The following NEMP2 variants were observed in gnomAD, a reference collection of about 807,000 sequenced individuals.
NEMP2 encodes UPF0571 transmembrane protein.
A neutral mutation model predicts 54.2 loss-of-function variants in NEMP2; 53 were observed. The observed-to-expected ratio is 0.98, with a 90% CI of 0.78 to 1.23. The LOEUF (loss-of-function observed/expected upper bound fraction) is 1.23, where lower values mean the gene tolerates loss of function less well. Among genes scored for constraint, NEMP2 ranks in the 50% most tolerant of loss-of-function variants. The pLI is 0.00. For missense variants in NEMP2, 455 were observed against 511.3 expected (o/e 0.89, Z 1.06); for synonymous variants, 197 against 190.3 (o/e 1.04, Z -0.29).
At position 190,521,689 on chromosome 2, in the gene NEMP2, GA is replaced by G. The variant is rs1690755362; in HGVS notation, c.214-2507del. Among the ~76,000 whole-genome samples, 1 of 152,134 alleles carries G rather than the reference GA, an allele frequency of 6.6e-6. No homozygotes were observed. The highest frequency in any genetic ancestry group is 2.1e-4 in the South Asian group (1 of 4,824). On this transcript the variant is annotated intron_variant, in intron 2 of 8. Coordinates refer to ENST00000409150, the MANE Select transcript of NEMP2 (RefSeq NM_001142645.2). The surrounding 1 kb of genome is among the most constrained non-coding windows in gnomAD (Gnocchi z 6.2). ...GATTTCATTCCTAAAAGGCCACCCTGACAAGGTCACTGGTGCTTCCATGTTG... is the reference window on the plus strand; with the variant it reads ...GATTTCATTCCTAAAAGGCCACCCTGCAAGGTCACTGGTGCTTCCATGTTG...
the NEMP2 span, among the ~76,000 whole-genome samples, chr2:190,564,640 G>C: frequency 6.6e-6 from 1 of 152,090 alleles, no homozygotes; most frequent in Non-Finnish European, 1.5e-5. The surrounding 1 kb of genome is among the most constrained non-coding windows in gnomAD (Gnocchi z 4.2). Flanking sequence ...AGCTTCTCAC[G>C]TAAAAATCTC....
the NEMP2 span, among the ~76,000 whole-genome samples, chr2:190,422,933 G>A: frequency 2.0e-5 from 3 of 150,770 alleles, no homozygotes; most frequent in Non-Finnish European, 4.4e-5. Context: ...GAATACTGTA[G>A]TTCAGTGAGT....
chr2:190,581,444 C>A, the NEMP2 span, among the ~76,000 whole-genome samples: 2 of 152,058 alleles, frequency 1.3e-5, no homozygotes, highest in African/African-American at 4.8e-5. Flanking sequence ...ATGATCAAAC[C>A]ATGTTTGCTG....
At chr2:190,463,803 G>C in the NEMP2 span, 2 of 884,226 alleles carry the variant, frequency 2.3e-6, no homozygotes, top group African/African-American at 1.8e-5. This position sits in a 1 kb window ranked among gnomAD's most constrained non-coding sequence, Gnocchi z 4.4. Flanking sequence ...CTGGGTAACA[G>C]AGCAAGACCC....
chr2:190,621,598 T>C, the NEMP2 span, among the ~76,000 whole-genome samples: 1 of 141,710 alleles, frequency 7.1e-6, no homozygotes, highest in African/African-American at 2.7e-5. Context: ...TGTCTTTGGG[T>C]TTTTTTTTTT....
At chr2:190,433,305 G>T in the NEMP2 span, 1 of 152,092 alleles carries the variant, frequency 6.6e-6, no homozygotes, top group African/African-American at 2.4e-5. The surrounding 1 kb of genome is among the most constrained non-coding windows in gnomAD (Gnocchi z 4.5). Context: ...AGATTTGAGG[G>T]CAAATTATTT....
the NEMP2 span, among the ~76,000 whole-genome samples, chr2:190,456,086 A>G: frequency 6.6e-5 from 10 of 151,554 alleles, no homozygotes; most frequent in African/African-American, 2.4e-4. This position sits in a 1 kb window ranked among gnomAD's most constrained non-coding sequence, Gnocchi z 5.4. Context: ...GATTACAGGC[A>G]TGCATCACCA....
the NEMP2 span, among the ~76,000 whole-genome samples, chr2:190,639,794 G>A: frequency 6.6e-6 from 1 of 152,122 alleles, no homozygotes; most frequent in East Asian, 1.9e-4. Flanking sequence ...GACTACAGGT[G>A]CATGCCACCA....
At chr2:190,553,185 T>A in the NEMP2 span, 1 of 152,184 alleles carries the variant, frequency 6.6e-6, no homozygotes, top group Non-Finnish European at 1.5e-5. Flanking sequence ...ATACACTACC[T>A]CATTTAATCC....
the NEMP2 span, among the ~76,000 whole-genome samples, chr2:190,568,686 G>A: frequency 6.6e-6 from 1 of 152,092 alleles, no homozygotes; most frequent in South Asian, 2.1e-4. The surrounding 1 kb of genome is among the most constrained non-coding windows in gnomAD (Gnocchi z 4.7). Flanking sequence ...GCTGGGCGTG[G>A]TGGCGCATGC....
intron 2 of NEMP2, among the ~76,000 whole-genome samples, chr2:190,524,046 T>TCCA (rs1690844941): frequency 7.2e-6 from 1 of 138,694 alleles, no homozygotes; most frequent in African/African-American, 2.7e-5. Flanking sequence ...CTACTAAAAA[T>TCCA]ACTAAAAAAA....
the NEMP2 span, among the ~76,000 whole-genome samples, chr2:190,496,302 G>C: frequency 6.6e-6 from 1 of 152,156 alleles, no homozygotes; most frequent in East Asian, 1.9e-4. This position sits in a 1 kb window ranked among gnomAD's most constrained non-coding sequence, Gnocchi z 4.7. Flanking sequence ...ACTCCCACAA[G>C]AATGGCCATT....
intron 4 of NEMP2, among the ~76,000 whole-genome samples, chr2:190,517,951 G>A (rs1485056796): frequency 6.6e-6 from 1 of 152,162 alleles, no homozygotes; most frequent in African/African-American, 2.4e-5. Flanking sequence ...TCTTCCCTAA[G>A]TCAGTATCTG....
chr2:190,636,852 A>G, the NEMP2 span, among the ~76,000 whole-genome samples: 1 of 152,262 alleles, frequency 6.6e-6, no homozygotes, highest in African/African-American at 2.4e-5. Flanking sequence ...CTAATAAGGC[A>G]TAAGGTGGAG....
chr2:190,469,879 A>G, the NEMP2 span: 1 of 1,520,808 alleles, frequency 6.6e-7, no homozygotes, highest in East Asian at 2.3e-5. This position sits in a 1 kb window ranked among gnomAD's most constrained non-coding sequence, Gnocchi z 5.3. Flanking sequence ...TGGGATTGAA[A>G]TTATTTCTCT....
rs576440789 is a variant in NEMP2 at position 190,513,088 on chromosome 2, C to T, written c.953+1365G>A. On this transcript the variant is annotated intron_variant, in intron 7 of 8. Coordinates refer to ENST00000409150, the MANE Select transcript of NEMP2 (RefSeq NM_001142645.2). The surrounding 1 kb of genome is among the most constrained non-coding windows in gnomAD (Gnocchi z 5.3). ...ACTGTGATGTCTGATAACTGTTCTC[C>T]TGCCACAGGGGCCTCCCCTTTATAT... Among the ~76,000 whole-genome samples the T allele has an allele frequency of 6.6e-6, 1 of 152,332 alleles. No individual in the cohort carries two copies. The highest frequency in any genetic ancestry group is 1.9e-4 in the East Asian group (1 of 5,182).
chr2:190,499,912 G>A (rs563974489), downstream of NEMP2: 26 of 1,579,484 alleles, frequency 1.6e-5, no homozygotes, highest in Admixed American at 2.0e-4. The surrounding 1 kb of genome is among the most constrained non-coding windows in gnomAD (Gnocchi z 6.0). Flanking sequence ...GGGCACTTCC[G>A]GATGATCTCC....
the NEMP2 span, among the ~76,000 whole-genome samples, chr2:190,475,725 C>T: frequency 0.023 from 3,456 of 152,026 alleles, 132 homozygotes; most frequent in African/African-American, 0.079. Context: ...AAAGTTCATA[C>T]GGAACCAAAA....
the NEMP2 span, among the ~76,000 whole-genome samples, chr2:190,454,816 G>A: frequency 1.3e-5 from 2 of 152,268 alleles, no homozygotes; most frequent in East Asian, 1.9e-4. This position sits in a 1 kb window ranked among gnomAD's most constrained non-coding sequence, Gnocchi z 4.6. Context: ...AAGATTCTAA[G>A]AGTCAGAAGA....
Sources: allele counts gnomAD v4.1 joint callset (sites outside exome capture counted in the v4.1 genomes callset), GRCh38; gene constraint gnomAD v4.1.1; non-coding constraint Gnocchi (gnomAD v3.1); transcripts MANE v1.5; gene names NCBI Gene and HGNC (gene_info 2026-07-23, HGNC 2026-07-21).